The following MARK4 variants were observed in gnomAD, a reference collection of about 807,000 sequenced individuals.
MARK4 encodes the protein MAP/microtubule affinity-regulating kinase 4.
A neutral mutation model predicts 81.5 loss-of-function variants in MARK4; 19 were observed. The observed-to-expected ratio is 0.23, with a 90% confidence interval of 0.16 to 0.34. The LOEUF (loss-of-function observed/expected upper bound fraction) is 0.34, where lower values mean the gene tolerates loss of function less well. Among genes scored for constraint, MARK4 ranks in the 10% least tolerant of loss-of-function variants. MARK4 has a pLI of 1.00. For missense variants in MARK4, 772 were observed against 1,058.8 expected (o/e 0.73, Z 3.76); for synonymous variants, 436 against 439.0 (o/e 0.99, Z 0.08).
chr19:45,281,268 G>A (rs1207076324), intron 12 of MARK4, among the ~76,000 whole-genome samples: 2 of 151,898 alleles, frequency 1.3e-5, no homozygotes, highest in Non-Finnish European at 2.9e-5. Context: ...TGGCCAAGCT[G>A]GTCTTGAACT....
chr19:45,298,979 G>GGCAGGAGGATCACTTGAAC (rs1970928912), intron 15 of MARK4, among the ~76,000 whole-genome samples: 1 of 151,414 alleles, frequency 6.6e-6, no homozygotes, highest in East Asian at 1.9e-4. Context: ...GGGAGGCCGA[G>GGCAGGAGGATCACTTGAAC]GCAGGAGGAT....
intron 13 of MARK4, among the ~76,000 whole-genome samples, chr19:45,292,699 C>A (rs574380583): frequency 2.7e-5 from 4 of 150,578 alleles, no homozygotes; most frequent in Non-Finnish European, 3.0e-5. Context: ...CAACATAGAC[C>A]CTGTCTCTGC....
At position 45,251,277 on chromosome 19, in the gene MARK4, C is replaced by T. The variant is rs1013366504; in HGVS notation, c.-312C>T. 4 of 144,870 alleles carry T rather than the reference C, an allele frequency of 2.8e-5. No individual in the cohort carries two copies. Among genetic ancestry groups the T allele is most frequent in the East Asian group, 2.1e-4 (1 of 4,794 alleles). The allele number at this position is 144,870 out of a possible 1,614,324, so 9.0% of individuals were successfully genotyped here. On this transcript the variant is annotated 5_prime_UTR_variant, in exon 1 of 17. Transcript: ENST00000262891. ...CTCCCCCTGACGTCCCTTCCTCCCT[C>T]CCCAGCCCCTCCACCGCCTCCCTCC... is the stretch of plus-strand genomic sequence containing the variant.
At position 45,264,906 on chromosome 19, in the gene MARK4, G is replaced by T; in HGVS notation, c.488G>T (p.Arg163Leu). Residue 163 changes from arginine (R) to leucine (L), a missense_variant, in exon 6 of 17, where the codon CGA becomes CTA. Transcript: ENST00000262891. ...GAGAAGGAAGCTCGAGCCAAGTTCC[G>T]ACAGGTTGGGGCAGGGCTGAGGGTG... is the stretch of plus-strand genomic sequence containing the variant. Reference protein sequence around the residue: ...MKEKEARAKFRQIVSAVHYCH... With the variant: ...MKEKEARAKFLQIVSAVHYCH... 1.2e-6 allele frequency: 2 copies of T among 1,614,026 alleles called. No individual in the cohort carries two copies. Among genetic ancestry groups the T allele is most frequent in the South Asian group, 2.2e-5 (2 of 91,034 alleles).
intron 14 of MARK4, among the ~76,000 whole-genome samples, chr19:45,294,681 A>G (rs1403622056): frequency 1.3e-5 from 2 of 152,314 alleles, no homozygotes; most frequent in South Asian, 2.1e-4. Context: ...TTCTCCGCCT[A>G]CAAGCCTTGG....
chr19:45,290,850 C>T (rs1267331665), intron 13 of MARK4, among the ~76,000 whole-genome samples: 4 of 152,114 alleles, frequency 2.6e-5, no homozygotes, highest in Non-Finnish European at 5.9e-5. Context: ...GTGCAGAGCC[C>T]GGGGTCAGTA....
At position 45,266,149 on chromosome 19, in the gene MARK4, A is replaced by G. The variant is rs552976720; in HGVS notation, c.493-76A>G. 42 of 1,455,474 alleles carry G rather than the reference A, an allele frequency of 2.9e-5. 1 individual carries two copies. The East Asian group carries it at 3.2e-4, about 11-fold the overall frequency. 90.2% of individuals were successfully genotyped at this position (1,455,474 alleles called of 1,614,324 possible). On this transcript the variant is annotated intron_variant, in intron 6 of 16. Coordinates refer to ENST00000262891, the MANE Select transcript of MARK4 (RefSeq NM_001199867.2). ...TGGGGAGGCCTGGGGCCCAGCTGTG[A>G]GTGGTTTCACAGTCCACTGAGGGAG...
chr19:45,270,781 T>C (rs1970516932), intron 7 of MARK4, among the ~76,000 whole-genome samples: 1 of 152,048 alleles, frequency 6.6e-6, no homozygotes. Flanking sequence ...TATCTTTATG[T>C]TTTTTTGAGA....
Position 45,271,591 on chromosome 19 carries a change from C to T in MARK4, c.669C>T (p.Ala223=). 1.2e-6 allele frequency: 2 copies of T among 1,614,228 alleles called. No homozygotes were observed. Among genetic ancestry groups the T allele is most frequent in the Non-Finnish European group, 8.5e-7 (1 of 1,180,052 alleles). The stretch of plus-strand genomic sequence containing the variant: ...TCTGCGGGAGCCCCCCATATGCCGC[C>T]CCGGAGCTGTTTCAGGGCAAGAAGT... The part of the protein sequence containing the change: ...DTFCGSPPYA[A]PELFQGKKYD... Residue 223 remains alanine, a synonymous_variant, in exon 8 of 17, where the codon GCC becomes GCT. Coordinates refer to ENST00000262891, the MANE Select transcript of MARK4 (RefSeq NM_001199867.2). The surrounding 1 kb of genome is among the most constrained non-coding windows in gnomAD (Gnocchi z 4.1).
chr19:45,276,073 C>G (rs376022244), intron 8 of MARK4, among the ~76,000 whole-genome samples: 1 of 152,312 alleles, frequency 6.6e-6, no homozygotes, highest in Non-Finnish European at 1.5e-5. Flanking sequence ...GTCACCCAGG[C>G]TGGAGGGCAG....
At chr19:45,298,786 A>G (rs1289476364) in intron 15 of MARK4, among the ~76,000 whole-genome samples, 1 of 152,144 alleles carries the variant, frequency 6.6e-6, no homozygotes, top group African/African-American at 2.4e-5. Flanking sequence ...GAAGAAAAAT[A>G]GAGTAGGAGC....
At position 45,298,206 on chromosome 19, in the gene MARK4, C is replaced by G. The variant is rs767594339; in HGVS notation, c.1877+252C>G. On this transcript the variant is annotated intron_variant, in intron 15 of 16. Transcript: ENST00000262891. Reference sequence around the variant, plus strand: ...GCTGTGTTTCGGGCGCCTCTCTGCCCCAGGGATCCAAGATCAGTAAGTCCC... The same window carrying G: ...GCTGTGTTTCGGGCGCCTCTCTGCCGCAGGGATCCAAGATCAGTAAGTCCC... The G allele has an allele frequency of 6.8e-6, 11 of 1,613,970 alleles. No homozygotes were observed. The African/African-American group carries it at 1.5e-4, about 22-fold the overall frequency.
At chr19:45,266,809 T>C (rs867074719) in intron 7 of MARK4, among the ~76,000 whole-genome samples, 19 of 149,418 alleles carry the variant, frequency 1.3e-4, no homozygotes, top group Middle Eastern at 3.4e-3. Context: ...CTCCGCTCAC[T>C]GCAAGCTCCG....
chr19:45,263,874 C>T (rs1243443648), intron 4 of MARK4, among the ~76,000 whole-genome samples: 1 of 151,656 alleles, frequency 6.6e-6, no homozygotes, highest in Non-Finnish European at 1.5e-5. Context: ...ATAAGAGGGC[C>T]TATTACCAGG....
At chr19:45,282,663 TA>T (rs1970691462) in intron 12 of MARK4, among the ~76,000 whole-genome samples, 1 of 150,588 alleles carries the variant, frequency 6.6e-6, no homozygotes, top group East Asian at 2.0e-4. Flanking sequence ...CTGTCTCTAC[TA>T]AAAATACAAA....
rs1383436415 is a variant in MARK4 at position 45,302,527 on chromosome 19, G to A, written c.2076G>A (p.Gln692=). ...AAARCRCRQP[Q]PFLLACLHGG... is the part of the protein sequence containing the mutation. ...CCCGCTGCCGCTGCCGCCAGCCACA[G>A]CCGTTCCTGCTGGCCTGCCTGCACG... is the stretch of plus-strand genomic sequence containing the variant. The change falls in exon 17 of 17, where the codon CAG becomes CAA. Residue 692 remains glutamine (Q), a synonymous_variant. Transcript: ENST00000262891. The surrounding 1 kb of genome is among the most constrained non-coding windows in gnomAD (Gnocchi z 4.9). 1 of 1,600,894 alleles carries A rather than the reference G, an allele frequency of 6.2e-7. No homozygotes were observed. Among genetic ancestry groups the A allele is most frequent in the Non-Finnish European group, 8.5e-7 (1 of 1,178,626 alleles).
chr19:45,291,749 T>G (rs1479419370), intron 13 of MARK4, among the ~76,000 whole-genome samples: 1 of 152,162 alleles, frequency 6.6e-6, no homozygotes, highest in East Asian at 1.9e-4. Context: ...CCTACTGCAC[T>G]CCAGCCTGGG....
intron 2 of MARK4, among the ~76,000 whole-genome samples, chr19:45,261,924 ACT>A (rs1307051305): frequency 1.0e-4 from 15 of 145,864 alleles, no homozygotes; most frequent in East Asian, 3.9e-4. Context: ...CAAGAGGGAA[ACT>A]CTGTCTCAAA....
chr19:45,261,106 G>A (rs895542782), intron 2 of MARK4, among the ~76,000 whole-genome samples: 6 of 152,002 alleles, frequency 3.9e-5, no homozygotes, highest in Middle Eastern at 3.4e-3. Context: ...CACCATACAC[G>A]CAAAAGACAC....
Sources: gnomAD v4.1 joint callset for allele counts (sites outside exome capture counted in the v4.1 genomes callset) on GRCh38, gnomAD v4.1.1 for gene constraint, Gnocchi (gnomAD v3.1) non-coding constraint, MANE v1.5 for transcripts, NCBI Gene and HGNC (gene_info 2026-07-23, HGNC 2026-07-21) for gene names.